ANAPC7: variants seen among roughly 807,000 people sequenced by gnomAD.
ANAPC7 encodes the protein anaphase-promoting complex subunit 7.
Under a neutral mutation model 63.3 loss-of-function variants are expected in ANAPC7, and 25 were observed. That is an observed-to-expected ratio of 0.39 (90% confidence interval 0.29 to 0.55). The LOEUF is 0.55. Among genes scored for constraint, ANAPC7 ranks in the 20% least tolerant of loss-of-function variants. The probability of loss-of-function intolerance (pLI) is 0.57; values close to 1 mark genes in which losing one functional copy is unlikely to be tolerated. For missense variants in ANAPC7, 516 were observed against 691.7 expected (o/e 0.75, Z 2.85); for synonymous variants, 241 against 251.7 (o/e 0.96, Z 0.40).
intron 2 of ANAPC7, among the ~76,000 whole-genome samples, chr12:110,396,049 T>C (rs1229767209): frequency 6.6e-6 from 1 of 152,122 alleles, no homozygotes; most frequent in Non-Finnish European, 1.5e-5. Context: ...CATGTGTAGT[T>C]CACAATAGGG....
At chr12:110,385,588 T>C (rs1209455615) in intron 6 of ANAPC7, among the ~76,000 whole-genome samples, 1 of 152,174 alleles carries the variant, frequency 6.6e-6, no homozygotes, top group Non-Finnish European at 1.5e-5. Context: ...GCACTTGAGG[T>C]GAGGGGAGAT....
At chr12:110,393,906 C>T (rs565296816) in intron 3 of ANAPC7, among the ~76,000 whole-genome samples, 1 of 148,480 alleles carries the variant, frequency 6.7e-6, no homozygotes, top group African/African-American at 2.5e-5. Flanking sequence ...GACATGGTGG[C>T]TCACGCCTGT....
chr12:110,384,744 G>C (rs1882303954), intron 6 of ANAPC7, among the ~76,000 whole-genome samples: 1 of 151,828 alleles, frequency 6.6e-6, no homozygotes, highest in African/African-American at 2.4e-5. Context: ...CTCACAATTT[G>C]AAAGCCTGCT....
At chr12:110,394,812 C>CTGTA (rs1883429518) in intron 3 of ANAPC7, among the ~76,000 whole-genome samples, 4 of 151,848 alleles carry the variant, frequency 2.6e-5, no homozygotes, top group Admixed American at 1.3e-4. Context: ...CAACACTGTA[C>CTGTA]TGTAGCCTGG....
chr12:110,395,455 G>A (rs117462029), intron 2 of ANAPC7, among the ~76,000 whole-genome samples: 4,201 of 151,920 alleles, frequency 0.028, 83 homozygotes, highest in Middle Eastern at 0.082. Context: ...CTACAGGTAT[G>A]TGCCACCATG....
intron 5 of ANAPC7, chr12:110,387,376 A>C (rs1882674450): frequency 8.6e-6 from 1 of 116,372 alleles, no homozygotes; most frequent in Non-Finnish European, 1.8e-5. Flanking sequence ...ACAGAGAGAG[A>C]GAGAGACAGA....
intron 7 of ANAPC7, among the ~76,000 whole-genome samples, chr12:110,382,451 AAAAAAAAAAAATATATATATATAT>A (rs1881960957): frequency 2.9e-5 from 2 of 69,624 alleles, no homozygotes; most frequent in African/African-American, 1.1e-4. Context: ...TAAAAAAAAA[AAAAAAAAAAAATATATATATATAT>A]ATATATATAT....
intron 9 of ANAPC7, among the ~76,000 whole-genome samples, chr12:110,376,931 G>GTTT (rs1190270337): frequency 5.5e-4 from 83 of 151,590 alleles, no homozygotes; most frequent in Non-Finnish European, 1.0e-3. Context: ...AACCGGCCTG[G>GTTT]CCAATATGGT....
At chr12:110,402,643 T>C (rs2062248209) in intron 1 of ANAPC7, among the ~76,000 whole-genome samples, 2 of 150,542 alleles carry the variant, frequency 1.3e-5, no homozygotes, top group Admixed American at 1.3e-4. Context: ...CAATAAAGGA[T>C]ATTAAGCAGG....
At chr12:110,387,391 G>GAGAGAGAGAGAGAGAGAGAGAC in intron 5 of ANAPC7, 1 of 78,256 alleles carries the variant, frequency 1.3e-5, no homozygotes, top group Non-Finnish European at 2.7e-5. Context: ...GACAGAGAGA[G>GAGAGAGAGAGAGAGAGAGAGAC]AGAGAGAGAG....
intron 1 of ANAPC7, among the ~76,000 whole-genome samples, chr12:110,398,905 C>T (rs2062181540): frequency 6.6e-6 from 1 of 151,984 alleles, no homozygotes; most frequent in Non-Finnish European, 1.5e-5. Flanking sequence ...AGATAGTGTG[C>T]CATTGCACTC....
At chr12:110,396,594 TC>T in intron 1 of ANAPC7, 142 bp from the exon 2 acceptor site, 1 of 565,620 alleles carries the variant, frequency 1.8e-6, no homozygotes, top group Non-Finnish European at 3.0e-6. Context: ...CACTGCAACC[TC>T]CACCTCCCGG....
intron 5 of ANAPC7, chr12:110,386,879 C>A: frequency 6.3e-6 from 1 of 157,880 alleles, no homozygotes; most frequent in Non-Finnish European, 1.4e-5. Flanking sequence ...CTAGGTTAGA[C>A]ACTGCAATAA....
At chr12:110,375,024 G>A (rs1049723976) in intron 10 of ANAPC7, among the ~76,000 whole-genome samples, 4 of 151,648 alleles carry the variant, frequency 2.6e-5, no homozygotes, top group East Asian at 1.9e-4. Context: ...GGCGTCCCAC[G>A]CCTAGCAAAC....
intron 10 of ANAPC7, chr12:110,375,690 C>A (rs930012810): frequency 1.6e-5 from 15 of 950,442 alleles, no homozygotes; most frequent in Non-Finnish European, 1.8e-5. Flanking sequence ...TTAATGACTA[C>A]AGTAGATAGA....
chr12:110,385,263 T>C (rs1367599357), intron 6 of ANAPC7, among the ~76,000 whole-genome samples: 1 of 152,098 alleles, frequency 6.6e-6, no homozygotes, highest in Non-Finnish European at 1.5e-5. Flanking sequence ...TGAAACTCCG[T>C]CTCAAACAAA....
At chr12:110,381,030 C>T (rs1263275356) in intron 8 of ANAPC7, among the ~76,000 whole-genome samples, 1 of 150,652 alleles carries the variant, frequency 6.6e-6, no homozygotes, top group Non-Finnish European at 1.5e-5. Context: ...GAGTACGCCA[C>T]ACTGGATGGG....
Position 110,373,299 on chromosome 12 carries a change from C to G in ANAPC7, c.*845G>C, listed in dbSNP as rs1880982851. ...CAGGGAAATTAACCTACCCAATATG[C>G]AAACAGATGAACCAGCTCAGGGTTC... On this transcript the variant is annotated 3_prime_UTR_variant, in exon 11 of 11. Coordinates refer to ENST00000455511, the MANE Select transcript of ANAPC7 (RefSeq NM_016238.3). 6.6e-6 allele frequency: 1 copy of G among 152,198 alleles called. No homozygotes were observed. 9.4% of individuals were successfully genotyped at this position (152,198 alleles called of 1,614,324 possible).
chr12:110,380,650 CAAAAAAAAAA>C (rs34812107), intron 8 of ANAPC7, among the ~76,000 whole-genome samples: 6 of 57,042 alleles, frequency 1.1e-4, no homozygotes, highest in African/African-American at 3.8e-4. Context: ...GACTCTGTCT[CAAAAAAAAAA>C]AAAAAAAACA....
Sources: gnomAD v4.1 joint callset for allele counts (sites outside exome capture counted in the v4.1 genomes callset) on GRCh38, gnomAD v4.1.1 for gene constraint, MANE v1.5 for transcripts, NCBI Gene and HGNC (gene_info 2026-07-23, HGNC 2026-07-21) for gene names.